Variants in SPTLC3 observed in about 807,000 individuals in gnomAD.
SPTLC3 encodes serine palmitoyltransferase long chain base subunit 3.
SPTLC3 carries 36 observed loss-of-function variants against 59.3 expected under a neutral mutation model. The ratio of observed to expected loss-of-function variants is 0.61; its 90% CI spans 0.47 to 0.80. The LOEUF (loss-of-function observed/expected upper bound fraction) is 0.80, where lower values mean the gene tolerates loss of function less well. Ranked by LOEUF, SPTLC3 falls within the 30% of genes least tolerant of loss-of-function variation. SPTLC3 has a pLI of 0.00. For synonymous variants in SPTLC3, 257 were observed against 240.8 expected (o/e 1.07, Z -0.62); for missense variants, 625 against 685.1 (o/e 0.91, Z 0.98).
Position 13,138,952 on chromosome 20 carries a change from A to G in SPTLC3, c.1279+12235A>G, listed in dbSNP as rs116184474. ...TTTCCTATAGGAGACACAATCTGAA[A>G]CTCAAAAGTGTATTTGACTTTTTCA... On this transcript the variant is annotated intron_variant, in intron 9 of 11. Coordinates refer to ENST00000399002, the MANE Select transcript of SPTLC3 (RefSeq NM_018327.4). 5.8e-3 allele frequency among the ~76,000 whole-genome samples: 882 copies of G among 152,262 alleles called. 8 individuals carry two copies. The highest frequency in any genetic ancestry group is 0.02 in the African/African-American group (831 of 41,536).
At chr20:13,120,191 G>A (rs1207229309) in intron 8 of SPTLC3, among the ~76,000 whole-genome samples, 3 of 152,156 alleles carry the variant, frequency 2.0e-5, no homozygotes, top group Admixed American at 6.5e-5. Flanking sequence ...TAAGAGTAGA[G>A]TTTTCAAACT....
intron 1 of SPTLC3, among the ~76,000 whole-genome samples, chr20:13,044,091 G>T (rs1406709687): frequency 2.9e-5 from 4 of 139,110 alleles, no homozygotes; most frequent in African/African-American, 8.0e-5. Flanking sequence ...CTTTTGTCTT[G>T]TTTCTTTTTT....
chr20:13,110,218 G>A lies in SPTLC3; in HGVS notation c.932+1G>A. The A allele has an allele frequency of 2.5e-6, 4 of 1,612,542 alleles. No individual in the cohort carries two copies. Among genetic ancestry groups the A allele is most frequent in the Non-Finnish European group, 3.4e-6 (4 of 1,179,276 alleles). ...TCATCCTGGTGGAGGGTGTCTACAG[G>A]TATGTAAATAACAGGACACATTTTA... is the stretch of plus-strand genomic sequence containing the variant. On this transcript the variant is annotated splice_donor_variant, in intron 7 of 11. Transcript: ENST00000399002. LOFTEE classifies it high-confidence loss of function.
At chr20:13,114,016 A>T (rs1168122735) in intron 7 of SPTLC3, among the ~76,000 whole-genome samples, 1 of 152,228 alleles carries the variant, frequency 6.6e-6, no homozygotes, top group Admixed American at 6.5e-5. Flanking sequence ...TTGCCCCAGG[A>T]CAGATAACCG....
chr20:13,121,647 T>A (rs2037869609), intron 8 of SPTLC3, among the ~76,000 whole-genome samples: 1 of 152,054 alleles, frequency 6.6e-6, no homozygotes, highest in Non-Finnish European at 1.5e-5. Context: ...ACCTCTTAAC[T>A]CATGGCTCAT....
rs376613600 is a variant in SPTLC3 at position 13,109,742 on chromosome 20, G to A, written c.827-370G>A. ...ATGCTCATGTCTACACGATTGATGA[G>A]TGGTATTAATTATGTCTCTCAGAGT... On this transcript the variant is annotated intron_variant, in intron 6 of 11. Transcript: ENST00000399002. Among the ~76,000 whole-genome samples, 15 of 152,310 alleles carry A rather than the reference G, an allele frequency of 9.8e-5. No individual in the cohort carries two copies. In the East Asian group the frequency reaches 1.9e-3, roughly 20 times the overall value.
At chr20:13,090,610 A>T (rs1989178429) in intron 4 of SPTLC3, among the ~76,000 whole-genome samples, 1 of 152,222 alleles carries the variant, frequency 6.6e-6, no homozygotes, top group Non-Finnish European at 1.5e-5. Flanking sequence ...ATCTCCACAA[A>T]GCAAACATAC....
At chr20:13,118,982 A>C (rs1451002138) in intron 8 of SPTLC3, among the ~76,000 whole-genome samples, 5 of 152,148 alleles carry the variant, frequency 3.3e-5, no homozygotes, top group Non-Finnish European at 7.3e-5. Context: ...TCCCCTCTTC[A>C]CTGGCCTGTG....
At chr20:13,092,405 T>G (rs1989255909) in intron 5 of SPTLC3, among the ~76,000 whole-genome samples, 1 of 152,212 alleles carries the variant, frequency 6.6e-6, no homozygotes, top group Non-Finnish European at 1.5e-5. Context: ...CACAACTACA[T>G]GCAATGTATG....
chr20:13,078,357 C>G (rs909783998), intron 4 of SPTLC3, among the ~76,000 whole-genome samples: 2 of 150,954 alleles, frequency 1.3e-5, no homozygotes, highest in Non-Finnish European at 3.0e-5. Context: ...ATTGAAATAG[C>G]TAAGAAGTAA....
At chr20:13,115,513 A>T (rs1013996537) in intron 7 of SPTLC3, among the ~76,000 whole-genome samples, 1 of 152,130 alleles carries the variant, frequency 6.6e-6, no homozygotes, top group Non-Finnish European at 1.5e-5. Context: ...AGAACAAAAA[A>T]ATGGCTATTT....
chr20:13,042,636 C>T (rs1222028276), intron 1 of SPTLC3, among the ~76,000 whole-genome samples: 1 of 152,118 alleles, frequency 6.6e-6, no homozygotes, highest in Non-Finnish European at 1.5e-5. Context: ...GGTAGCTTGC[C>T]CCTCTCAAAG....
At chr20:13,131,259 A>G in intron 9 of SPTLC3, among the ~76,000 whole-genome samples, 1 of 152,048 alleles carries the variant, frequency 6.6e-6, no homozygotes, top group East Asian at 1.9e-4. Flanking sequence ...TCTTTCCCCA[A>G]CTCTGGGTAA....
Position 13,160,054 on chromosome 20 carries a change from A to C in SPTLC3, c.1467A>C (p.Gly489=). 6.2e-7 allele frequency: 1 copy of C among 1,612,648 alleles called. No homozygotes were observed. The highest frequency in any genetic ancestry group is 8.5e-7 in the Non-Finnish European group (1 of 1,179,734). Residue 489 remains glycine, a synonymous_variant, in exon 11 of 12, where the codon GGA becomes GGC. Coordinates refer to ENST00000399002, the MANE Select transcript of SPTLC3 (RefSeq NM_018327.4). Reference sequence around the variant, plus strand: ...AAAAAATTGGAGTGGTGGTCGTGGGATTTCCAGCCACTCCCCTCGCAGAAG... The same window carrying C: ...AAAAAATTGGAGTGGTGGTCGTGGGCTTTCCAGCCACTCCCCTCGCAGAAG... The part of the protein sequence containing the change: ...LEKKIGVVVV[G]FPATPLAEAR...
At chr20:13,075,107 T>G (rs559895141) in intron 4 of SPTLC3, among the ~76,000 whole-genome samples, 1 of 148,154 alleles carries the variant, frequency 6.7e-6, no homozygotes, top group Admixed American at 6.8e-5. Flanking sequence ...GGCATGAGGA[T>G]AGAGAGAGGG....
chr20:13,011,142 C>CA (rs1207260615), intron 1 of SPTLC3, among the ~76,000 whole-genome samples: 1 of 151,836 alleles, frequency 6.6e-6, no homozygotes, highest in African/African-American at 2.4e-5. Flanking sequence ...AACAAACGAA[C>CA]AAAAAAAACC....
Position 13,073,835 on chromosome 20 carries a change from G to A in SPTLC3, c.459-514G>A, listed in dbSNP as rs1034609359. On this transcript the variant is annotated intron_variant, in intron 3 of 11. Transcript: ENST00000399002. Reference sequence around the variant, plus strand: ...TTGGCCCCAACTCAGTTTGGGGAAAGTTCCTTCAACTTCTCTTTTTCCTTT... The same window carrying A: ...TTGGCCCCAACTCAGTTTGGGGAAAATTCCTTCAACTTCTCTTTTTCCTTT... The A allele has an allele frequency of 2.8e-5, 16 of 573,590 alleles. No homozygotes were observed. In the East Asian group the frequency reaches 6.5e-4, roughly 23 times the overall value. 35.5% of individuals were successfully genotyped at this position (573,590 alleles called of 1,614,324 possible).
chr20:13,116,802 T>C (rs781288788), intron 7 of SPTLC3, among the ~76,000 whole-genome samples: 1 of 152,214 alleles, frequency 6.6e-6, no homozygotes, highest in African/African-American at 2.4e-5. Flanking sequence ...AAAATGCACG[T>C]TCTCAGCCCA....
chr20:13,024,426 T>G (rs1015955403), intron 1 of SPTLC3, among the ~76,000 whole-genome samples: 15 of 152,202 alleles, frequency 9.9e-5, no homozygotes, highest in African/African-American at 3.4e-4. Flanking sequence ...CATCCATATG[T>G]TTTATGCATC....
Sources: allele counts gnomAD v4.1 joint callset (sites outside exome capture counted in the v4.1 genomes callset), GRCh38; gene constraint gnomAD v4.1.1; transcripts MANE v1.5; gene names NCBI Gene and HGNC (gene_info 2026-07-23, HGNC 2026-07-21).